The following SPECC1 variants were observed in gnomAD, a reference collection of about 807,000 sequenced individuals.
SPECC1 encodes the protein sperm antigen with calponin homology and coiled-coil domains 1.
In SPECC1, 62 loss-of-function variants were observed where a neutral mutation model predicts 104.1. That is an observed-to-expected ratio of 0.60 (90% CI 0.49 to 0.74). SPECC1 has a LOEUF of 0.74. SPECC1 is among the 30% of genes least tolerant of loss of function. The pLI is 0.00. For synonymous variants in SPECC1, 513 were observed against 501.6 expected (o/e 1.02, Z -0.30); for missense variants, 1,306 against 1,310.5 (o/e 1.00, Z 0.05).
chr17:20,180,245 A>C (rs144413116), intron 3 of SPECC1, among the ~76,000 whole-genome samples: 1 of 152,382 alleles, frequency 6.6e-6, no homozygotes, highest in East Asian at 1.9e-4. Context: ...GTTAACAAAT[A>C]GTAAACAAAA....
rs567279429 is a variant in SPECC1 at position 20,098,531 on chromosome 17, C to G, written c.147+1733C>G. On this transcript the variant is annotated intron_variant, in intron 2 of 14. Coordinates refer to ENST00000395527, the MANE Select transcript of SPECC1 (RefSeq NM_001243439.2). Reference sequence around the variant, plus strand: ...GAGTCCTTGAAATGGCCAGCGATGCCCTCAGGGCCCAACCCTGTCCCCTGC... The same window carrying G: ...GAGTCCTTGAAATGGCCAGCGATGCGCTCAGGGCCCAACCCTGTCCCCTGC... Among the ~76,000 whole-genome samples the G allele has an allele frequency of 4.2e-4, 64 of 152,306 alleles. 1 individual carries two copies. The highest frequency in any genetic ancestry group is 1.3e-3 in the African/African-American group (55 of 41,560).
At chr17:20,260,452 T>A (rs545127015) in intron 12 of SPECC1, among the ~76,000 whole-genome samples, 158 bp downstream of exon 12, 38 of 152,348 alleles carry the variant, frequency 2.5e-4, no homozygotes, top group African/African-American at 9.1e-4. Context: ...GTTTGATATT[T>A]GTGCACTGCC....
intron 3 of SPECC1, among the ~76,000 whole-genome samples, chr17:20,123,637 G>C (rs1230141994): frequency 6.6e-6 from 1 of 152,224 alleles, no homozygotes; most frequent in African/African-American, 2.4e-5. Context: ...CTCCAGGATA[G>C]GTAGTGTTCC....
chr17:20,072,564 C>G (rs1302335428), intron 1 of SPECC1, among the ~76,000 whole-genome samples: 1 of 152,210 alleles, frequency 6.6e-6, no homozygotes. Context: ...GCAGCCTTGG[C>G]CAGGTGGGGC....
chr17:20,091,372 G>A (rs2047393992), intron 1 of SPECC1, among the ~76,000 whole-genome samples: 2 of 152,140 alleles, frequency 1.3e-5, no homozygotes, highest in East Asian at 3.9e-4. Flanking sequence ...TCATGTGCCG[G>A]CTGGTCTAGG....
intron 3 of SPECC1, among the ~76,000 whole-genome samples, chr17:20,123,568 C>A (rs1466932799): frequency 2.6e-5 from 4 of 152,128 alleles, no homozygotes; most frequent in Non-Finnish European, 4.4e-5. Context: ...AGGAGGGGAA[C>A]TCGTCTAACA....
At chr17:20,252,864 A>G (rs1323156498) in intron 9 of SPECC1, among the ~76,000 whole-genome samples, 1 of 151,996 alleles carries the variant, frequency 6.6e-6, no homozygotes, top group Non-Finnish European at 1.5e-5. Flanking sequence ...CCTGTTTTCA[A>G]TTTTCTTGGA....
chr17:20,046,286 T>G (rs2045536432), intron 1 of SPECC1, among the ~76,000 whole-genome samples: 1 of 152,110 alleles, frequency 6.6e-6, no homozygotes, highest in East Asian at 1.9e-4. Flanking sequence ...TATTTTTACA[T>G]TATTAATTTT....
chr17:20,092,763 A>C (rs1036295257), intron 1 of SPECC1, among the ~76,000 whole-genome samples: 4 of 152,110 alleles, frequency 2.6e-5, no homozygotes, highest in African/African-American at 9.7e-5. Context: ...TTTCATCTTT[A>C]CAGTTTTATG....
chr17:20,036,686 G>A (rs949366534), intron 1 of SPECC1, among the ~76,000 whole-genome samples: 14 of 152,076 alleles, frequency 9.2e-5, no homozygotes, highest in Admixed American at 3.9e-4. Context: ...TTTGACCAGC[G>A]TGTCTCCACT....
intron 3 of SPECC1, among the ~76,000 whole-genome samples, chr17:20,115,163 G>A (rs1362413402): frequency 6.6e-6 from 1 of 152,064 alleles, no homozygotes; most frequent in Non-Finnish European, 1.5e-5. Flanking sequence ...CTGATCCCAT[G>A]ATCAAATATT....
At chr17:20,046,899 G>A (rs1206620186) in intron 1 of SPECC1, among the ~76,000 whole-genome samples, 2 of 151,628 alleles carry the variant, frequency 1.3e-5, no homozygotes, top group East Asian at 2.0e-4. Context: ...TTGTAGACCA[G>A]TGCGCACTGG....
intron 3 of SPECC1, among the ~76,000 whole-genome samples, chr17:20,142,220 T>C (rs2030898847): frequency 1.3e-5 from 2 of 152,234 alleles, no homozygotes; most frequent in Admixed American, 6.5e-5. Context: ...TTACATTGTT[T>C]TTATTAAGAT....
In SPECC1 at chr17:20,295,261, A is replaced by G. The variant is rs547376640; in HGVS notation, c.2941-1700A>G. On this transcript the variant is annotated intron_variant, in intron 12 of 14. Coordinates refer to ENST00000395527, the MANE Select transcript of SPECC1 (RefSeq NM_001243439.2). The stretch of plus-strand genomic sequence containing the variant: ...GTTTAGTTCCCACCTATGAGTGAGA[A>G]CATGCAGTGTTTGGTTTTCTGTCCT... Among the ~76,000 whole-genome samples the G allele has an allele frequency of 4.8e-4, 71 of 146,718 alleles. 1 individual carries two copies. The highest frequency in any genetic ancestry group is 8.9e-4 in the Non-Finnish European group (60 of 67,368).
intron 12 of SPECC1, among the ~76,000 whole-genome samples, chr17:20,264,556 C>T (rs1354602406): frequency 1.4e-5 from 2 of 146,050 alleles, no homozygotes; most frequent in East Asian, 4.2e-4. Context: ...ACTGCAACTT[C>T]CACCTCCCAG....
intron 1 of SPECC1, among the ~76,000 whole-genome samples, chr17:20,061,816 A>G (rs890288587): frequency 6.6e-6 from 1 of 152,136 alleles, no homozygotes; most frequent in Non-Finnish European, 1.5e-5. Context: ...ACAAGACAGC[A>G]TTTTTGCCCT....
At chr17:20,313,384 G>A (rs936006830) in intron 14 of SPECC1, among the ~76,000 whole-genome samples, 4 of 152,198 alleles carry the variant, frequency 2.6e-5, no homozygotes, top group African/African-American at 4.8e-5. Context: ...GGACTAGTTC[G>A]ACAGAAGGAA....
intron 3 of SPECC1, among the ~76,000 whole-genome samples, chr17:20,200,164 T>C (rs2036319622): frequency 6.6e-6 from 1 of 152,196 alleles, no homozygotes; most frequent in African/African-American, 2.4e-5. Flanking sequence ...TGTTTTCTAA[T>C]TTATTGCACA....
chr17:20,118,248 CA>C (rs1418880984), intron 3 of SPECC1, among the ~76,000 whole-genome samples: 2 of 152,126 alleles, frequency 1.3e-5, no homozygotes, highest in African/African-American at 4.8e-5. Flanking sequence ...GGTTGATGCA[CA>C]AGGACAAGTT....
Sources: allele counts gnomAD v4.1 joint callset (sites outside exome capture counted in the v4.1 genomes callset), GRCh38; gene constraint gnomAD v4.1.1; transcripts MANE v1.5; gene names NCBI Gene and HGNC (gene_info 2026-07-23, HGNC 2026-07-21).